The following KDM7A variants were observed in gnomAD, a reference collection of about 807,000 sequenced individuals.
KDM7A encodes lysine demethylase 7A, also known as lysine-specific demethylase 7A.
In KDM7A, 28 loss-of-function variants were observed where a neutral mutation model predicts 114.8. That is an observed-to-expected ratio of 0.24 (90% CI 0.18 to 0.33). The LOEUF is 0.33. Among genes scored for constraint, KDM7A ranks in the 10% least tolerant of loss-of-function variants. The probability of loss-of-function intolerance (pLI) is 1.00; values close to 1 mark genes in which losing one functional copy is unlikely to be tolerated. For synonymous variants in KDM7A, 423 were observed against 397.8 expected (o/e 1.06, Z -0.75); for missense variants, 942 against 1,142.5 (o/e 0.82, Z 2.53).
At chr7:140,095,318 G>A (rs1818087842) in intron 17 of KDM7A, among the ~76,000 whole-genome samples, 1 of 152,220 alleles carries the variant, frequency 6.6e-6, no homozygotes, top group African/African-American at 2.4e-5. Flanking sequence ...ACAAAATGGT[G>A]CAGTACAAAA....
intron 2 of KDM7A, among the ~76,000 whole-genome samples, chr7:140,138,758 T>C (rs549307077): frequency 1.3e-5 from 2 of 152,356 alleles, no homozygotes; most frequent in East Asian, 3.9e-4. Context: ...AAAATACTAC[T>C]AAAGATCTTC....
In KDM7A at chr7:140,098,942, T is replaced by C. The variant is rs1225101269; in HGVS notation, c.1855A>G (p.Lys619Glu). Residue 619 changes from lysine to glutamate, a missense_variant, in exon 14 of 20, where the codon AAG (lysine) becomes GAG (glutamate). Lys to Glu is a moderately conservative substitution (Grantham distance 56, BLOSUM62 1). This residue lies in a region of KDM7A where 512 missense variants were observed against 576.6 expected (regional missense o/e 0.89). Coordinates refer to ENST00000397560, the MANE Select transcript of KDM7A (RefSeq NM_030647.2). ...TCTACTCCTGAACTCTCTTCTATCT[T>C]CATTTTTGCCTTTTTTGTCCTTCTT... The part of the protein sequence containing the change: ...DKRRTKKAKM[K>E]IEESSGVEGV... 1 of 1,613,788 alleles carries C rather than the reference T, an allele frequency of 6.2e-7. No homozygotes were observed. Among genetic ancestry groups the C allele is most frequent in the South Asian group, 1.1e-5 (1 of 91,072 alleles).
At chr7:140,097,082 A>G in intron 15 of KDM7A, 35 bp from the exon 16 acceptor site, 1 of 1,554,546 alleles carries the variant, frequency 6.4e-7, no homozygotes, top group South Asian at 1.1e-5. Flanking sequence ...AAAGCTACAT[A>G]AGAAATTGAC....
chr7:140,133,396 A>C, intron 3 of KDM7A, 143 bp downstream of exon 3: 1 of 542,658 alleles, frequency 1.8e-6, no homozygotes, highest in Admixed American at 3.2e-5. Context: ...TATTTCGTTA[A>C]GGAAGAAAAA....
At chr7:140,106,325 C>A (rs1818337794) in intron 11 of KDM7A, among the ~76,000 whole-genome samples, 1 of 152,084 alleles carries the variant, frequency 6.6e-6, no homozygotes, top group Non-Finnish European at 1.5e-5. Flanking sequence ...TTGCCTTCTG[C>A]TAGCTTTTGA....
At position 140,091,890 on chromosome 7, in the gene KDM7A, A is replaced by C; in HGVS notation, c.2645T>G (p.Val882Gly). The change falls in exon 19 of 20, where the codon GTT (valine) becomes GGT (glycine). Residue 882 changes from valine (V) to glycine (G), a missense_variant. Around this residue, in one of 4 missense-constraint regions of KDM7A, gnomAD observed 512 missense variants for 576.6 expected, o/e 0.89. Coordinates refer to ENST00000397560, the MANE Select transcript of KDM7A (RefSeq NM_030647.2). Reference sequence around the variant, plus strand: ...GGGCACCGAGAAGGAAGTTTCACCAACTGGCCTTTCTGGGCTTAGACTGCC... The same window carrying C: ...GGGCACCGAGAAGGAAGTTTCACCACCTGGCCTTTCTGGGCTTAGACTGCC... ...SNGSLSPERP[V>G]GETSFSVPLH... 1.9e-6 allele frequency: 3 copies of C among 1,613,916 alleles called. No homozygotes were observed. The South Asian group carries it at 3.3e-5, about 18-fold the overall frequency.
intron 1 of KDM7A, among the ~76,000 whole-genome samples, chr7:140,158,585 G>C (rs1794484188): frequency 6.6e-6 from 1 of 152,178 alleles, no homozygotes; most frequent in African/African-American, 2.4e-5. Context: ...CATCCAAGTG[G>C]AGATATAAAG....
In KDM7A at chr7:140,098,983, T is replaced by TGA; in HGVS notation, c.1813_1814insTC (p.Glu605ValfsTer15). 6.2e-7 allele frequency: 1 copy of TGA among 1,613,504 alleles called. No homozygotes were observed. Among genetic ancestry groups the TGA allele is most frequent in the Non-Finnish European group, 8.5e-7 (1 of 1,179,524 alleles). Reference sequence around the variant, plus strand: ...TGTCCTTCTTTTATCCTCTTCATTTTCACTATCTGCTGTATAAAGACTTTG... The same window carrying TGA: ...TGTCCTTCTTTTATCCTCTTCATTTTGACACTATCTGCTGTATAAAGACTTTG... On this transcript the variant is annotated frameshift_variant, in exon 14 of 20. Transcript: ENST00000397560.
chr7:140,104,693 T>C (rs934471650), intron 11 of KDM7A, among the ~76,000 whole-genome samples: 1 of 152,238 alleles, frequency 6.6e-6, no homozygotes, highest in Non-Finnish European at 1.5e-5. Context: ...TTGGTTACTG[T>C]AGCCTTGTAG....
chr7:140,117,248 C>T (rs1377531854), intron 9 of KDM7A, among the ~76,000 whole-genome samples: 1 of 152,188 alleles, frequency 6.6e-6, no homozygotes, highest in Non-Finnish European at 1.5e-5. Context: ...AACGTATGGT[C>T]ATACTTTCAA....
intron 1 of KDM7A, among the ~76,000 whole-genome samples, chr7:140,146,331 G>A (rs1450440237): frequency 2.0e-5 from 3 of 152,130 alleles, no homozygotes; most frequent in Admixed American, 6.6e-5. Flanking sequence ...CTACACTTCC[G>A]TTTCTCTCTC....
At chr7:140,128,407 A>T (rs1818738558) in intron 4 of KDM7A, among the ~76,000 whole-genome samples, 1 of 152,210 alleles carries the variant, frequency 6.6e-6, no homozygotes, top group Non-Finnish European at 1.5e-5. Context: ...GTCTTGCCTT[A>T]TAGACTTCTT....
chr7:140,172,692 G>A (rs181289729), intron 1 of KDM7A, among the ~76,000 whole-genome samples: 9 of 151,976 alleles, frequency 5.9e-5, no homozygotes, highest in Non-Finnish European at 1.0e-4. Context: ...TAACAATAGG[G>A]TAATTATTTT....
In KDM7A at chr7:140,153,637, A is replaced by G. The variant is rs1293989306; in HGVS notation, c.195-14447T>C. 2.0e-5 allele frequency among the ~76,000 whole-genome samples: 3 copies of G among 152,254 alleles called. No individual in the cohort carries two copies. In the South Asian group the frequency reaches 6.2e-4, roughly 31 times the overall value. On this transcript the variant is annotated intron_variant, in intron 1 of 19. Transcript: ENST00000397560. ...TCTTACTGTTGGTTATAATGTACAG[A>G]GAAATGAAAAAACAGTAAAACTAAT...
rs1422434676 is a variant in KDM7A at position 140,139,180 on chromosome 7, C to T, written c.205G>A (p.Val69Ile). 4 of 1,612,458 alleles carry T rather than the reference C, an allele frequency of 2.5e-6. No individual in the cohort carries two copies. Among genetic ancestry groups the T allele is most frequent in the South Asian group, 1.1e-5 (1 of 90,968 alleles). Reference protein sequence around the residue: ...KDWFHGSCVGVEEHHAVDIDL... With the variant: ...KDWFHGSCVGIEEHHAVDIDL... ...ATGTCAACAGCATGATGTTCTTCTA[C>T]TCCAACACAGCTAAGACAAAGGAAA... The change falls in exon 2 of 20, where the codon GTA becomes ATA. Residue 69 changes from valine (V) to isoleucine (I), a missense_variant. Around this residue, in one of 4 missense-constraint regions of KDM7A, gnomAD observed 318 missense variants for 453.1 expected, o/e 0.70. Coordinates refer to ENST00000397560, the MANE Select transcript of KDM7A (RefSeq NM_030647.2).
At chr7:140,096,267 C>T (rs539247605) in intron 17 of KDM7A, among the ~76,000 whole-genome samples, 19 of 151,902 alleles carry the variant, frequency 1.3e-4, no homozygotes, top group African/African-American at 4.4e-4. Context: ...ACTCCTTCCA[C>T]TCTGATCAAC....
chr7:140,114,480 C>T lies in KDM7A; in HGVS notation c.1247-898G>A, dbSNP rs552498363. On this transcript the variant is annotated intron_variant, in intron 9 of 19. Coordinates refer to ENST00000397560, the MANE Select transcript of KDM7A (RefSeq NM_030647.2). ...CTCGTTCACTCAGTGCTCAATGTTGCCCAGGCTGGAGTGCAGTGGCGTGAT... is the reference window on the plus strand; with the variant it reads ...CTCGTTCACTCAGTGCTCAATGTTGTCCAGGCTGGAGTGCAGTGGCGTGAT... Among the ~76,000 whole-genome samples, 9 of 152,316 alleles carry T rather than the reference C, an allele frequency of 5.9e-5. No homozygotes were observed. In the East Asian group the frequency reaches 1.2e-3, roughly 20 times the overall value.
At chr7:140,152,761 A>G (rs1266118666) in intron 1 of KDM7A, among the ~76,000 whole-genome samples, 1 of 152,244 alleles carries the variant, frequency 6.6e-6, no homozygotes, top group East Asian at 1.9e-4. Flanking sequence ...AGTCAGGGCA[A>G]TATGTAAAGT....
At chr7:140,117,651 T>C (rs1001064999) in intron 9 of KDM7A, among the ~76,000 whole-genome samples, 2 of 152,202 alleles carry the variant, frequency 1.3e-5, no homozygotes, top group Non-Finnish European at 2.9e-5. Flanking sequence ...GAAATTTGTG[T>C]TTTTATAAGT....
Sources: allele counts gnomAD v4.1 joint callset (sites outside exome capture counted in the v4.1 genomes callset), GRCh38; gene constraint gnomAD v4.1.1; regional missense constraint gnomAD v4.1.1; transcripts MANE v1.5; gene names NCBI Gene and HGNC (gene_info 2026-07-23, HGNC 2026-07-21).